The following PLEKHG1 variants were observed in gnomAD, a reference collection of about 807,000 sequenced individuals.
PLEKHG1 encodes the protein pleckstrin homology domain-containing family G member 1.
PLEKHG1 carries 44 observed loss-of-function variants against 100.8 expected under a neutral mutation model. That is an observed-to-expected ratio of 0.44 (90% CI 0.34 to 0.56). PLEKHG1 has a LOEUF of 0.56. Ranked by LOEUF, PLEKHG1 falls within the 20% of genes least tolerant of loss-of-function variation. The pLI, the probability that PLEKHG1 is intolerant of heterozygous loss-of-function variation, is 0.01. For missense variants in PLEKHG1, 1,545 were observed against 1,720.9 expected (o/e 0.90, Z 1.81); for synonymous variants, 640 against 662.5 (o/e 0.97, Z 0.52).
At chr6:150,639,964 A>G (rs9372083) in intron 2 of PLEKHG1, among the ~76,000 whole-genome samples, 21,090 of 152,288 alleles carry the variant, frequency 0.14, 1,539 homozygotes, top group South Asian at 0.21. Flanking sequence ...CAACTCTGTC[A>G]TTTTGTAAAT....
chr6:150,804,938 CT>C (rs11366163), intron 7 of PLEKHG1, among the ~76,000 whole-genome samples, 197 bp downstream of exon 8: 25,780 of 147,262 alleles, frequency 0.18, 3,106 homozygotes, highest in East Asian at 0.34. Flanking sequence ...GATATTATAA[CT>C]TTTTTTTTTT....
At chr6:150,680,930 A>G (rs929787171) in intron 3 of PLEKHG1, among the ~76,000 whole-genome samples, 4 of 152,300 alleles carry the variant, frequency 2.6e-5, no homozygotes, top group Admixed American at 1.3e-4. Flanking sequence ...GTTGAAGCAC[A>G]TTTTCCCACC....
intron 4 of PLEKHG1, among the ~76,000 whole-genome samples, chr6:150,795,383 G>A (rs1280992116): frequency 4.3e-5 from 6 of 139,546 alleles, no homozygotes; most frequent in Admixed American, 2.9e-4. Flanking sequence ...GCGACAGAGC[G>A]AGATTCCATC....
In PLEKHG1 at chr6:150,758,336, CT is replaced by C. The variant is rs58766862; in HGVS notation, c.412-10285del. Among the ~76,000 whole-genome samples the C allele has an allele frequency of 6.4e-3, 904 of 142,000 alleles. 3 individuals are homozygous for C. The highest frequency in any genetic ancestry group is 0.012 in the South Asian group (53 of 4,458). The allele number at this position is 142,000 out of a possible 152,430, so 93.2% of individuals were successfully genotyped here. ...AACCTTGCTAGCATCTGTTTCTTGA[CT>C]TTTTTTTTTTTTTTTTGAGACAGAG... On this transcript the variant is annotated intron_variant, in intron 2 of 15. Coordinates refer to ENST00000358517, the Ensembl canonical transcript of PLEKHG1.
At chr6:150,704,677 G>T (rs1363486692) in intron 3 of PLEKHG1, among the ~76,000 whole-genome samples, 2 of 152,248 alleles carry the variant, frequency 1.3e-5, no homozygotes, top group Non-Finnish European at 2.9e-5. Flanking sequence ...CCAGCAATCT[G>T]GTTGCTTGTT....
At chr6:150,745,451 G>A (rs1039908698) in intron 2 of PLEKHG1, among the ~76,000 whole-genome samples, 16 of 152,180 alleles carry the variant, frequency 1.1e-4, no homozygotes, top group African/African-American at 3.9e-4. Flanking sequence ...GGGAGGCCGA[G>A]GCAGGTGGTT....
At chr6:150,652,261 C>G (rs528556292) in intron 3 of PLEKHG1, among the ~76,000 whole-genome samples, 1 of 152,292 alleles carries the variant, frequency 6.6e-6, no homozygotes, top group East Asian at 1.9e-4. Flanking sequence ...TTCCTAAGTA[C>G]TTTAACTCAT....
At chr6:150,724,249 C>A (rs1175814695) in intron 1 of PLEKHG1, among the ~76,000 whole-genome samples, 1 of 152,202 alleles carries the variant, frequency 6.6e-6, no homozygotes, top group East Asian at 1.9e-4. Flanking sequence ...AATAGACTCC[C>A]AAAGGGGCAT....
chr6:150,842,117 A>G (rs1238308626), exon 16 of PLEKHG1: 1 of 152,266 alleles, frequency 6.6e-6, no homozygotes, highest in Non-Finnish European at 1.5e-5. Flanking sequence ...AAAGGCAACA[A>G]ACAAAAATAA....
chr6:150,625,640 GCA>G (rs1217688004), intron 1 of PLEKHG1: 4 of 152,004 alleles, frequency 2.6e-5, no homozygotes, highest in African/African-American at 9.7e-5. Context: ...TTACAGGCAT[GCA>G]CCACCATGCC....
intron 6 of PLEKHG1, among the ~76,000 whole-genome samples, chr6:150,801,823 T>G (rs931712103): frequency 7.3e-5 from 11 of 149,660 alleles, no homozygotes; most frequent in Non-Finnish European, 1.6e-4. Context: ...ATTCTGTAAG[T>G]AGGGCTTGCT....
intron 2 of PLEKHG1, among the ~76,000 whole-genome samples, chr6:150,755,223 G>A (rs1311592948): frequency 2.6e-5 from 4 of 151,562 alleles, no homozygotes; most frequent in South Asian, 2.1e-4. Context: ...CAATCCTTCC[G>A]CCTAGGCCTC....
chr6:150,640,151 G>A (rs970701854), intron 2 of PLEKHG1, among the ~76,000 whole-genome samples: 12 of 152,350 alleles, frequency 7.9e-5, no homozygotes, highest in South Asian at 4.1e-4. Context: ...CCGGCGTCCC[G>A]CCAGTAGGAC....
intron 9 of PLEKHG1, 26 bp downstream of exon 10, chr6:150,809,502 G>A (rs376176424): frequency 9.3e-5 from 147 of 1,577,630 alleles, no homozygotes; most frequent in Middle Eastern, 1.8e-4. Flanking sequence ...TGGCCTCTCC[G>A]CAAGGCCCCT....
chr6:150,822,988 T>TA (rs926730342), intron 13 of PLEKHG1, among the ~76,000 whole-genome samples: 1 of 151,882 alleles, frequency 6.6e-6, no homozygotes, highest in African/African-American at 2.4e-5. Flanking sequence ...TCAAAAAAAA[T>TA]AAAAAATAAA....
intron 3 of PLEKHG1, among the ~76,000 whole-genome samples, chr6:150,684,515 T>C (rs1217583872): frequency 6.6e-6 from 1 of 152,176 alleles, no homozygotes; most frequent in Non-Finnish European, 1.5e-5. Flanking sequence ...GCAGCAGCTG[T>C]GCAGGGGTTT....
Position 150,823,028 on chromosome 6 carries a change from A to AG in PLEKHG1, c.1448-625dup, listed in dbSNP as rs1326745621. On this transcript the variant is annotated intron_variant, in intron 13 of 15. Coordinates refer to ENST00000358517, the Ensembl canonical transcript of PLEKHG1. ...AGCAAAACAGTTATGGTGGGATGGG[A>AG]GTAGTGCAGGAGCTGGAACGATAAA... is the stretch of plus-strand genomic sequence containing the variant. 1.1e-4 allele frequency among the ~76,000 whole-genome samples: 16 copies of AG among 152,304 alleles called. No individual in the cohort carries two copies. In the South Asian group the frequency reaches 1.9e-3, roughly 18 times the overall value.
intron 3 of PLEKHG1, among the ~76,000 whole-genome samples, chr6:150,686,439 A>G (rs1780133644): frequency 6.6e-6 from 1 of 152,228 alleles, no homozygotes; most frequent in Non-Finnish European, 1.5e-5. Flanking sequence ...ATAGTCTGAG[A>G]AAAGAGAAAT....
chr6:150,829,464 A>T (rs1254923882), intron 14 of PLEKHG1, among the ~76,000 whole-genome samples: 1 of 152,100 alleles, frequency 6.6e-6, no homozygotes, highest in Non-Finnish European at 1.5e-5. Context: ...CTAAAAATAC[A>T]AAAATTAGCC....
Sources: allele counts gnomAD v4.1 joint callset (sites outside exome capture counted in the v4.1 genomes callset), GRCh38; gene constraint gnomAD v4.1.1; transcripts MANE v1.5; gene names NCBI Gene and HGNC (gene_info 2026-07-23, HGNC 2026-07-21).